Variants in ZDHHC14 observed in about 807,000 individuals in gnomAD.
The protein encoded by ZDHHC14 is zDHHC palmitoyltransferase 14, also known as palmitoyltransferase ZDHHC14.
A neutral mutation model predicts 47.7 loss-of-function variants in ZDHHC14; 16 were observed. That is an observed-to-expected ratio of 0.34 (90% CI 0.23 to 0.51). ZDHHC14 has a LOEUF of 0.51. ZDHHC14 is among the 20% of genes least tolerant of loss of function. The pLI is 0.97. For missense variants in ZDHHC14, 515 were observed against 662.5 expected (o/e 0.78, Z 2.44); for synonymous variants, 293 against 278.9 (o/e 1.05, Z -0.50).
intron 1 of ZDHHC14, among the ~76,000 whole-genome samples, chr6:157,415,132 G>A (rs1482111036): frequency 2.6e-5 from 4 of 152,102 alleles, no homozygotes; most frequent in South Asian, 2.1e-4. Context: ...TTTTTGACTC[G>A]TCCAGCTTTT....
chr6:157,543,717 T>C (rs905913), intron 2 of ZDHHC14, among the ~76,000 whole-genome samples: 62,452 of 152,094 alleles, frequency 0.41, 12,928 homozygotes, highest in Admixed American at 0.45. Flanking sequence ...CCTTCATCCC[T>C]GCTGCCTGGA....
At chr6:157,414,092 CA>C (rs915568970) in intron 1 of ZDHHC14, among the ~76,000 whole-genome samples, 18 of 152,056 alleles carry the variant, frequency 1.2e-4, no homozygotes, top group Admixed American at 3.3e-4. Context: ...ATACCATGCC[CA>C]ACAAATTTTT....
At position 157,561,249 on chromosome 6, in the gene ZDHHC14, A is replaced by T. The variant is rs1782697148; in HGVS notation, c.406+18504A>T. Among the ~76,000 whole-genome samples the T allele has an allele frequency of 2.6e-5, 4 of 152,170 alleles. No individual in the cohort carries two copies. In the South Asian group the frequency reaches 8.3e-4, roughly 32 times the overall value. ...GGAAGAAGCATGCCTTGCTGGGGTC[A>T]GGGCCAGGGACAAAGCTCAGAGGCC... On this transcript the variant is annotated intron_variant, in intron 2 of 8. Transcript: ENST00000359775.
intron 1 of ZDHHC14, among the ~76,000 whole-genome samples, chr6:157,439,300 C>A (rs1039680114): frequency 6.6e-6 from 1 of 152,048 alleles, no homozygotes; most frequent in Non-Finnish European, 1.5e-5. Context: ...CTACAAGGAA[C>A]GTAAACAAAT....
At chr6:157,672,691 A>G in intron 8 of ZDHHC14, 33 bp from the exon 9 acceptor site, 1 of 1,106,938 alleles carries the variant, frequency 9.0e-7, no homozygotes, top group Non-Finnish European at 1.1e-6. Flanking sequence ...CCTCCTCTCC[A>G]CCTTCTCTTT....
At chr6:157,526,130 A>C (rs1047895056) in intron 1 of ZDHHC14, among the ~76,000 whole-genome samples, 2 of 152,208 alleles carry the variant, frequency 1.3e-5, no homozygotes, top group Non-Finnish European at 2.9e-5. Context: ...AGGTGAGTAC[A>C]AGACTGGCTC....
chr6:157,565,069 A>G (rs1008597002), intron 2 of ZDHHC14, among the ~76,000 whole-genome samples: 15 of 151,858 alleles, frequency 9.9e-5, no homozygotes, highest in African/African-American at 3.4e-4. Context: ...GCATGGTGAA[A>G]CCCCACCTCT....
chr6:157,436,953 G>C (rs1048958774), intron 1 of ZDHHC14, among the ~76,000 whole-genome samples: 1 of 152,092 alleles, frequency 6.6e-6, no homozygotes, highest in African/African-American at 2.4e-5. Flanking sequence ...AGGTGGTGGG[G>C]ATTGGGGTTG....
intron 1 of ZDHHC14, among the ~76,000 whole-genome samples, chr6:157,487,604 C>T (rs1243144310): frequency 6.6e-6 from 1 of 152,198 alleles, no homozygotes; most frequent in Non-Finnish European, 1.5e-5. Flanking sequence ...CTGTGCATGG[C>T]GGAACTGGGA....
At chr6:157,663,194 A>G (rs961759199) in intron 8 of ZDHHC14, among the ~76,000 whole-genome samples, 1 of 152,138 alleles carries the variant, frequency 6.6e-6, no homozygotes, top group East Asian at 1.9e-4. Context: ...CAAGGCTTCT[A>G]CCCCCCTGGG....
intron 1 of ZDHHC14, among the ~76,000 whole-genome samples, chr6:157,493,022 G>T (rs1011824295): frequency 6.6e-6 from 1 of 152,158 alleles, no homozygotes; most frequent in African/African-American, 2.4e-5. Context: ...GAGGGTTTGA[G>T]GCAGGGGAGT....
intron 1 of ZDHHC14, among the ~76,000 whole-genome samples, chr6:157,532,688 A>C (rs1162152354): frequency 6.6e-6 from 1 of 152,250 alleles, no homozygotes; most frequent in Admixed American, 6.5e-5. Flanking sequence ...GAGCTGAGAT[A>C]GGAGATAACC....
intron 1 of ZDHHC14, among the ~76,000 whole-genome samples, chr6:157,390,200 A>G (rs1192553186): frequency 1.3e-5 from 2 of 152,114 alleles, no homozygotes; most frequent in Admixed American, 1.3e-4. Flanking sequence ...TCTTTTTCCT[A>G]TCAGACCTTT....
chr6:157,578,316 T>A (rs778086562), intron 2 of ZDHHC14, among the ~76,000 whole-genome samples: 1 of 152,224 alleles, frequency 6.6e-6, no homozygotes, highest in African/African-American at 2.4e-5. Context: ...AGAGTTTTTA[T>A]AGTTTTAGGT....
At chr6:157,525,922 G>A (rs1344466054) in intron 1 of ZDHHC14, among the ~76,000 whole-genome samples, 1 of 152,110 alleles carries the variant, frequency 6.6e-6, no homozygotes, top group African/African-American at 2.4e-5. Context: ...TGCCTATCCT[G>A]TCCTCTCCGC....
intron 2 of ZDHHC14, among the ~76,000 whole-genome samples, chr6:157,565,739 G>A (rs948981461): frequency 5.3e-5 from 8 of 151,738 alleles, no homozygotes; most frequent in African/African-American, 1.9e-4. Flanking sequence ...CCCAGTGCAG[G>A]AGGCGGAGGT....
chr6:157,672,633 T>TTC, intron 8 of ZDHHC14, 91 bp from the exon 9 acceptor site: 1 of 123,868 alleles, frequency 8.1e-6, no homozygotes, highest in Non-Finnish European at 1.6e-5. Flanking sequence ...CACCCCACCC[T>TTC]CCCCGCCCGT....
At chr6:157,407,486 C>A (rs945176460) in intron 1 of ZDHHC14, among the ~76,000 whole-genome samples, 1 of 152,104 alleles carries the variant, frequency 6.6e-6, no homozygotes, top group Non-Finnish European at 1.5e-5. Flanking sequence ...CCCAGCAGTC[C>A]CCTAGAAGGA....
intron 1 of ZDHHC14, among the ~76,000 whole-genome samples, chr6:157,405,548 T>A (rs946910598): frequency 4.6e-5 from 7 of 151,848 alleles, no homozygotes; most frequent in African/African-American, 7.3e-5. Context: ...AAAATTTTTT[T>A]TAAAAAAAAT....
Sources: gnomAD v4.1 joint callset for allele counts (sites outside exome capture counted in the v4.1 genomes callset) on GRCh38, gnomAD v4.1.1 for gene constraint, MANE v1.5 for transcripts, NCBI Gene and HGNC (gene_info 2026-07-23, HGNC 2026-07-21) for gene names.